NEGR1: variants seen among roughly 807,000 people sequenced by gnomAD.
The protein encoded by NEGR1 is neuronal growth regulator 1, also known as IgLON family member 4.
In NEGR1, 10 loss-of-function variants were observed where a neutral mutation model predicts 40.9. The observed-to-expected ratio is 0.24, with a 90% CI of 0.15 to 0.42. The LOEUF is 0.42. Among genes scored for constraint, NEGR1 ranks in the 10% least tolerant of loss-of-function variants. The pLI is 1.00. For synonymous variants in NEGR1, 185 were observed against 166.8 expected, an observed-to-expected ratio of 1.11 and a Z score of -0.84; for missense variants, 352 against 438.9, an observed-to-expected ratio of 0.80 and a Z score of 1.77.
chr1:72,170,422 C>T (rs1270865255), intron 1 of NEGR1, among the ~76,000 whole-genome samples: 1 of 152,008 alleles, frequency 6.6e-6, no homozygotes, highest in Non-Finnish European at 1.5e-5. Flanking sequence ...GTAAAAGCTC[C>T]CTATGGACAG....
chr1:71,919,933 C>G (rs1011693358), intron 2 of NEGR1, among the ~76,000 whole-genome samples: 5 of 152,192 alleles, frequency 3.3e-5, no homozygotes, highest in Non-Finnish European at 7.3e-5. Context: ...GCTGCTTCCC[C>G]TGGCAGCTTC....
intron 2 of NEGR1, among the ~76,000 whole-genome samples, chr1:71,874,689 G>A (rs1660374423): frequency 6.6e-6 from 1 of 152,134 alleles, no homozygotes; most frequent in African/African-American, 2.4e-5. Context: ...ATTCTTAGAT[G>A]TGTTTAGCAT....
rs548222130 is a variant in NEGR1, at chr1:72,201,737, C to T, written c.176+80582G>A. On this transcript the variant is annotated intron_variant, in intron 1 of 6. Transcript: ENST00000357731. ...GTATGTGATTTTACCAAACAGATGT[C>T]CTATTTCATGTCTAAAAGTTGATTA... 7.2e-5 allele frequency among the ~76,000 whole-genome samples: 11 copies of T among 151,764 alleles called. No homozygotes were observed. The South Asian group carries it at 2.3e-3, about 32-fold the overall frequency.
At chr1:72,261,221 C>T (rs1655442171) in intron 1 of NEGR1, among the ~76,000 whole-genome samples, 2 of 151,944 alleles carry the variant, frequency 1.3e-5, no homozygotes, top group Admixed American at 6.6e-5. Flanking sequence ...TTTTCACTAC[C>T]CTTTCACATA....
chr1:71,535,433 G>C (rs767225752), intron 6 of NEGR1, among the ~76,000 whole-genome samples: 4 of 151,606 alleles, frequency 2.6e-5, no homozygotes, highest in Non-Finnish European at 4.4e-5. Context: ...CTTATGTAAA[G>C]CCACATTGTC....
chr1:71,551,424 A>G (rs941310009), intron 6 of NEGR1, among the ~76,000 whole-genome samples: 6 of 151,658 alleles, frequency 4.0e-5, no homozygotes, highest in Non-Finnish European at 1.5e-5. Context: ...TTTCTAGTAT[A>G]TGAATATGTA....
At chr1:71,682,472 C>CA (rs1291266198) in intron 4 of NEGR1, among the ~76,000 whole-genome samples, 8 of 152,130 alleles carry the variant, frequency 5.3e-5, no homozygotes, top group Non-Finnish European at 1.0e-4. Flanking sequence ...ATTTTTACCT[C>CA]AAAGATATTC....
intron 1 of NEGR1, among the ~76,000 whole-genome samples, chr1:72,145,028 G>C (rs1401472825): frequency 6.6e-6 from 1 of 152,056 alleles, no homozygotes; most frequent in East Asian, 1.9e-4. Context: ...CAGTCATGCA[G>C]TTGTCAGATT....
At chr1:71,595,321 G>C (rs1649659702) in intron 5 of NEGR1, among the ~76,000 whole-genome samples, 1 of 152,150 alleles carries the variant, frequency 6.6e-6, no homozygotes, top group Non-Finnish European at 1.5e-5. Flanking sequence ...TTCCCTCTGG[G>C]GAAAGCTACT....
intron 1 of NEGR1, among the ~76,000 whole-genome samples, chr1:72,066,021 GA>G (rs1487483558): frequency 2.6e-5 from 4 of 151,978 alleles, no homozygotes; most frequent in Admixed American, 2.6e-4. Context: ...CTTCCCTTTA[GA>G]AAGCAATCCA....
intron 2 of NEGR1, among the ~76,000 whole-genome samples, chr1:71,794,018 T>C (rs572600521): frequency 4.8e-4 from 73 of 152,232 alleles, no homozygotes; most frequent in Non-Finnish European, 8.4e-4. Context: ...TTTCACATTA[T>C]AGTAGAGTTC....
Position 71,742,273 on chromosome 1 carries a change from C to T in NEGR1, c.535+33899G>A, listed in dbSNP as rs185424496. Among the ~76,000 whole-genome samples, 4 of 152,178 alleles carry T rather than the reference C, an allele frequency of 2.6e-5. No homozygotes were observed. The East Asian group carries it at 7.8e-4, about 30-fold the overall frequency. On this transcript the variant is annotated intron_variant, in intron 3 of 6. Transcript: ENST00000357731. The stretch of plus-strand genomic sequence containing the variant: ...CTGCCCAAAGCCTTCATGGTGGGGG[C>T]TCTTGGAGCTATAGGAGAATGACCC...
chr1:71,996,937 C>T (rs947897780), intron 1 of NEGR1, among the ~76,000 whole-genome samples: 6 of 151,816 alleles, frequency 4.0e-5, no homozygotes, highest in South Asian at 4.2e-4. Context: ...CTATATGGCC[C>T]GAAATTTCCT....
chr1:71,842,209 C>A (rs932105551), intron 2 of NEGR1, among the ~76,000 whole-genome samples: 4 of 152,082 alleles, frequency 2.6e-5, no homozygotes, highest in Non-Finnish European at 4.4e-5. Context: ...ACTTTGGGAG[C>A]TAGAAGCCTG....
intron 1 of NEGR1, among the ~76,000 whole-genome samples, chr1:72,214,902 G>A (rs1653744007): frequency 6.6e-6 from 1 of 151,014 alleles, no homozygotes; most frequent in African/African-American, 2.4e-5. Flanking sequence ...AAAAGAGTCT[G>A]TATAGCCAAT....
At position 71,860,231 on chromosome 1, in the gene NEGR1, A is replaced by G. The variant is rs189750197; in HGVS notation, c.409+74848T>C. Among the ~76,000 whole-genome samples the G allele has an allele frequency of 1.8e-4, 28 of 151,550 alleles. No homozygotes were observed. The East Asian group carries it at 5.3e-3, about 28-fold the overall frequency. On this transcript the variant is annotated intron_variant, in intron 2 of 6. Coordinates refer to ENST00000357731, the MANE Select transcript of NEGR1 (RefSeq NM_173808.3). ...AAAAAACAACTATTCACAAAGGGGG[A>G]GTTTGTAAGAGACAATATACGCTTG...
chr1:71,910,569 G>A (rs1409879779), intron 2 of NEGR1, among the ~76,000 whole-genome samples: 1 of 152,082 alleles, frequency 6.6e-6, no homozygotes, highest in East Asian at 1.9e-4. Flanking sequence ...TTACAACTCT[G>A]CCTACCATTA....
chr1:72,040,889 C>T (rs1646947686), intron 1 of NEGR1, among the ~76,000 whole-genome samples: 1 of 151,924 alleles, frequency 6.6e-6, no homozygotes, highest in Non-Finnish European at 1.5e-5. Flanking sequence ...CTTCAACATT[C>T]CTCTGTCCAC....
intron 2 of NEGR1, among the ~76,000 whole-genome samples, chr1:71,861,339 G>C (rs1464028989): frequency 1.3e-5 from 2 of 152,032 alleles, no homozygotes; most frequent in Non-Finnish European, 2.9e-5. Context: ...CAATCTAAGA[G>C]AGGTGGACTG....
Sources: gnomAD v4.1 joint callset for allele counts (sites outside exome capture counted in the v4.1 genomes callset) on GRCh38, gnomAD v4.1.1 for gene constraint, MANE v1.5 for transcripts, NCBI Gene and HGNC (gene_info 2026-07-23, HGNC 2026-07-21) for gene names.